The following HIBCH variants were observed in gnomAD, a reference collection of about 807,000 sequenced individuals.
HIBCH encodes the protein 3-hydroxyisobutyryl-CoA hydrolase.
A neutral mutation model predicts 58.2 loss-of-function variants in HIBCH; 50 were observed. The observed-to-expected ratio is 0.86, with a 90% CI of 0.68 to 1.09. The LOEUF is 1.09. HIBCH is among the 50% of genes least tolerant of loss of function. The pLI is 0.00. For synonymous variants in HIBCH, 151 were observed against 146.9 expected (o/e 1.03, Z -0.20); for missense variants, 450 against 449.7 (o/e 1.00, Z -0.01).
At chr2:190,296,985 AT>A (rs760831439) in intron 2 of HIBCH, 32 bp from the exon 3 acceptor site, 1 of 1,610,148 alleles carries the variant, frequency 6.2e-7, no homozygotes. Flanking sequence ...TTATGACAAA[AT>A]TTCTTAAGTT....
At chr2:190,257,327 C>T (rs968582609) in intron 7 of HIBCH, among the ~76,000 whole-genome samples, 4 of 152,120 alleles carry the variant, frequency 2.6e-5, no homozygotes, top group African/African-American at 7.2e-5. Flanking sequence ...ACCCACATCT[C>T]ATACAAGTGA....
chr2:190,300,303 T>C (rs901184659), intron 2 of HIBCH, among the ~76,000 whole-genome samples: 3 of 152,212 alleles, frequency 2.0e-5, no homozygotes, highest in African/African-American at 7.2e-5. Context: ...CGTTCCCTTT[T>C]CTGCACATCC....
intron 6 of HIBCH, among the ~76,000 whole-genome samples, chr2:190,273,292 C>G (rs2664243): frequency 0.72 from 109,033 of 152,046 alleles, 39,654 homozygotes; most frequent in Non-Finnish European, 0.75. Context: ...ACTCGGGAGG[C>G]TGAGGCAGGA....
At chr2:190,298,128 GCCA>G (rs1267495604) in intron 2 of HIBCH, among the ~76,000 whole-genome samples, 1 of 152,082 alleles carries the variant, frequency 6.6e-6, no homozygotes, top group Non-Finnish European at 1.5e-5. Context: ...GTGTATATGT[GCCA>G]CATTTTCTTT....
At chr2:190,264,268 TTC>T (rs1372001842) in intron 6 of HIBCH, among the ~76,000 whole-genome samples, 3 of 151,398 alleles carry the variant, frequency 2.0e-5, no homozygotes, top group Non-Finnish European at 4.4e-5. Flanking sequence ...CGGGCTTTCT[TTC>T]TTTTTTCTTT....
In HIBCH at chr2:190,315,415, C is replaced by T. The variant is rs1164956173; in HGVS notation, c.35+4301G>A. Among the ~76,000 whole-genome samples the T allele has an allele frequency of 1.3e-5, 2 of 152,176 alleles. No individual in the cohort carries two copies. The highest frequency in any genetic ancestry group is 4.8e-5 in the African/African-American group (2 of 41,434). ...TGAAATTCTCTGCCCCACCCCAGAC[C>T]TACTGAACAAGAAACTGTGGGGCCC... On this transcript the variant is annotated intron_variant, in intron 1 of 13. Transcript: ENST00000359678. This position sits in a 1 kb window ranked among gnomAD's most constrained non-coding sequence, Gnocchi z 5.4.
rs752159483 is a variant in HIBCH, at chr2:190,249,657, C to G, written c.733G>C (p.Glu245Gln). 6.3e-7 allele frequency: 1 copy of G among 1,596,496 alleles called. No homozygotes were observed. The change falls in exon 9 of 14, where the codon GAA becomes CAA. Residue 245 changes from glutamate to glutamine, a missense_variant. Transcript: ENST00000359678. ...AAGATTACCTCTGTATGGTAATTTTCTAAGACAGATGCAATATTTTCTTTT... is the reference window on the plus strand; with the variant it reads ...AAGATTACCTCTGTATGGTAATTTTGTAAGACAGATGCAATATTTTCTTTT... ...PSKENIASVL[E>Q]NYHTESKIDR... is the part of the protein sequence containing the mutation.
chr2:190,247,173 A>T (rs1164023206), intron 9 of HIBCH, among the ~76,000 whole-genome samples: 1 of 152,112 alleles, frequency 6.6e-6, no homozygotes, highest in East Asian at 1.9e-4. Flanking sequence ...TTTCATCCAT[A>T]TTCTTTTTCC....
At chr2:190,308,993 T>A (rs1251131179) in intron 2 of HIBCH, among the ~76,000 whole-genome samples, 4 of 152,200 alleles carry the variant, frequency 2.6e-5, no homozygotes, top group Non-Finnish European at 5.9e-5. Flanking sequence ...TTCTGCCCTG[T>A]TATATAGAGA....
chr2:190,238,720 C>T (rs1287565593), intron 11 of HIBCH, among the ~76,000 whole-genome samples: 1 of 152,244 alleles, frequency 6.6e-6, no homozygotes, highest in Non-Finnish European at 1.5e-5. Flanking sequence ...TCTGTGGCCC[C>T]CCAAAGTGCT....
At chr2:190,289,383 T>A (rs1687909110) in intron 5 of HIBCH, among the ~76,000 whole-genome samples, 2 of 152,204 alleles carry the variant, frequency 1.3e-5, no homozygotes, top group African/African-American at 4.8e-5. Context: ...AATACGTTAA[T>A]ATCATGTATT....
chr2:190,271,620 C>A (rs1687404833), intron 6 of HIBCH, among the ~76,000 whole-genome samples: 1 of 152,034 alleles, frequency 6.6e-6, no homozygotes, highest in African/African-American at 2.4e-5. Flanking sequence ...CATGATCTCT[C>A]ACCCGATTCC....
At chr2:190,264,051 T>C (rs556398033) in intron 6 of HIBCH, among the ~76,000 whole-genome samples, 6 of 152,230 alleles carry the variant, frequency 3.9e-5, no homozygotes, top group African/African-American at 1.4e-4. Context: ...CTTGCCACAA[T>C]CTATCATCTC....
chr2:190,312,714 T>C (rs1403537448), intron 1 of HIBCH, among the ~76,000 whole-genome samples: 1 of 152,262 alleles, frequency 6.6e-6, no homozygotes, highest in Non-Finnish European at 1.5e-5. Context: ...AAGTCAGTTA[T>C]AATTCACATT....
chr2:190,294,559 C>T lies in HIBCH; in HGVS notation c.291G>A (p.Gly97=). Residue 97 remains glycine (G), a synonymous_variant, in exon 4 of 14, where the codon GGG becomes GGA. Transcript: ENST00000359678. The part of the protein sequence containing the change: ...KGAGGKAFCA[G]GDIRVISEAE... ...AAAAGTCTTTACCTCTGATATCACCCCCGGCACAGAAAGCCTTTCCTCCTG... is the reference window on the plus strand; with the variant it reads ...AAAAGTCTTTACCTCTGATATCACCTCCGGCACAGAAAGCCTTTCCTCCTG... 1.9e-6 allele frequency: 3 copies of T among 1,611,618 alleles called. No individual in the cohort carries two copies. Among genetic ancestry groups the T allele is most frequent in the Non-Finnish European group, 2.5e-6 (3 of 1,178,870 alleles).
Position 190,204,832 on chromosome 2 carries a change from G to C in HIBCH, c.*285C>G, listed in dbSNP as rs151170023. The C allele has an allele frequency of 9.7e-5, 31 of 320,790 alleles. No individual in the cohort carries two copies. In the East Asian group the frequency reaches 2.1e-3, roughly 22 times the overall value. The allele number at this position is 320,790 out of a possible 1,614,324, so 19.9% of individuals were successfully genotyped here. ...CAAAAACCAGACAGTAAATAATTAG[G>C]CTTTGTAGGCTTTACCATCTCTATT... On this transcript the variant is annotated 3_prime_UTR_variant, in exon 14 of 14. Transcript: ENST00000359678.
At chr2:190,286,875 A>AC (rs398105111) in intron 6 of HIBCH, among the ~76,000 whole-genome samples, 1 of 151,330 alleles carries the variant, frequency 6.6e-6, no homozygotes, top group Non-Finnish European at 1.5e-5. Flanking sequence ...AAAAAAAAAA[A>AC]CTCAACATTC....
intron 6 of HIBCH, among the ~76,000 whole-genome samples, chr2:190,276,526 C>T (rs1052228473): frequency 1.3e-5 from 2 of 152,270 alleles, no homozygotes; most frequent in East Asian, 1.9e-4. Flanking sequence ...CTTGGTACAT[C>T]CCCACAGTAA....
In HIBCH at chr2:190,279,881, C is replaced by A; in HGVS notation, c.438+7705G>T. 1 of 182,538 alleles carries A rather than the reference C, an allele frequency of 5.5e-6. No homozygotes were observed. Among genetic ancestry groups the A allele is most frequent in the Non-Finnish European group, 1.1e-5 (1 of 90,846 alleles). 11.3% of individuals were successfully genotyped at this position (182,538 alleles called of 1,614,324 possible). On this transcript the variant is annotated intron_variant, in intron 6 of 13. Transcript: ENST00000359678. The surrounding 1 kb of genome is among the most constrained non-coding windows in gnomAD (Gnocchi z 4.2). ...GCCTCTTTTAGAAAGTTCTAAGTTG[C>A]TATCCAATTGGGACAAATACAGAAT...
Sources: gnomAD v4.1 joint callset for allele counts (sites outside exome capture counted in the v4.1 genomes callset) on GRCh38, gnomAD v4.1.1 for gene constraint, Gnocchi (gnomAD v3.1) non-coding constraint, MANE v1.5 for transcripts, NCBI Gene and HGNC (gene_info 2026-07-23, HGNC 2026-07-21) for gene names.